The following SLC16A6 variants were observed in gnomAD, a reference collection of about 807,000 sequenced individuals.
SLC16A6 encodes monocarboxylate transporter 7.
In SLC16A6, 15 loss-of-function variants were observed where a neutral mutation model predicts 33.8. That is an observed-to-expected ratio of 0.44 (90% confidence interval 0.30 to 0.68). The LOEUF is 0.68. Among genes scored for constraint, SLC16A6 ranks in the 30% least tolerant of loss-of-function variants. The pLI is 0.10. For missense variants in SLC16A6, 451 were observed against 661.5 expected, an observed-to-expected ratio of 0.68 and a Z score of 3.49; for synonymous variants, 219 against 248.4, an observed-to-expected ratio of 0.88 and a Z score of 1.11.
chr17:68,274,092 A>G (rs1206133488), intron 2 of SLC16A6, 22 bp from the exon 3 acceptor site: 1 of 1,606,444 alleles, frequency 6.2e-7, no homozygotes, highest in Non-Finnish European at 8.5e-7. Context: ...GAACAAAACG[A>G]TATTTTAACT....
chr17:68,282,377 A>G (rs1340593306), intron 1 of SLC16A6, among the ~76,000 whole-genome samples: 5 of 152,218 alleles, frequency 3.3e-5, no homozygotes, highest in African/African-American at 1.2e-4. Context: ...GGGGAGGGAT[A>G]GCATTAGGAG....
At chr17:68,278,645 A>C (rs2075602063) in intron 1 of SLC16A6, among the ~76,000 whole-genome samples, 1 of 125,868 alleles carries the variant, frequency 7.9e-6, no homozygotes, top group African/African-American at 3.1e-5. Context: ...TTTGAGACAG[A>C]GTCTCACTCT....
At chr17:68,275,700 G>C (rs1374199199) in intron 2 of SLC16A6, among the ~76,000 whole-genome samples, 1 of 152,052 alleles carries the variant, frequency 6.6e-6, no homozygotes, top group Non-Finnish European at 1.5e-5. Context: ...AAGTTATCTT[G>C]GCTGGGTGCG....
chr17:68,270,722 C>T (rs576557835), intron 5 of SLC16A6, 117 bp downstream of exon 5: 4 of 907,536 alleles, frequency 4.4e-6, no homozygotes, highest in African/African-American at 3.4e-5. Flanking sequence ...CCTGGCAGCT[C>T]TAAAATTCAA....
intron 1 of SLC16A6, among the ~76,000 whole-genome samples, chr17:68,283,760 C>A (rs1555753602): frequency 6.6e-6 from 1 of 151,792 alleles, no homozygotes; most frequent in African/African-American, 2.4e-5. Context: ...CGCCTGTAAT[C>A]CCAGCTACAC....
At chr17:68,288,184 T>C (rs1412935696) in intron 1 of SLC16A6, among the ~76,000 whole-genome samples, 1 of 151,940 alleles carries the variant, frequency 6.6e-6, no homozygotes, top group Non-Finnish European at 1.5e-5. Context: ...GTATTTTTAG[T>C]AGAGACAGGG....
rs150311794 is a variant in SLC16A6 at position 68,287,953 on chromosome 17, TTCTC to T, written c.-8+3129_-8+3132del. On this transcript the variant is annotated intron_variant, in intron 1 of 5. Transcript: ENST00000580666. ...TTCTCTTCTTCTCTTCTCTCTCTCT[TTCTC>T]TCTCTCTCTCTCTCCCCCTCCCTCC... Among the ~76,000 whole-genome samples, 1,015 of 146,206 alleles carry T rather than the reference TTCTC, an allele frequency of 6.9e-3. 11 individuals carry two copies. Among genetic ancestry groups the T allele is most frequent in the African/African-American group, 0.022 (869 of 40,312 alleles).
At position 68,281,854 on chromosome 17, in the gene SLC16A6, A is replaced by C. The variant is rs180701287; in HGVS notation, c.-7-3527T>G. On this transcript the variant is annotated intron_variant, in intron 1 of 5. Coordinates refer to ENST00000580666, the MANE Select transcript of SLC16A6 (RefSeq NM_004694.5). ...ACGGCCAATAAGGAGAACAGTATGGAGCTTCCTCAAAAAACTACAAATATA... is the reference window on the plus strand; with the variant it reads ...ACGGCCAATAAGGAGAACAGTATGGCGCTTCCTCAAAAAACTACAAATATA... Among the ~76,000 whole-genome samples the C allele has an allele frequency of 1.5e-4, 23 of 152,266 alleles. No individual in the cohort carries two copies. The East Asian group carries it at 4.2e-3, about 28-fold the overall frequency.
chr17:68,271,593 T>C lies in SLC16A6; in HGVS notation c.567A>G (p.Leu189=), dbSNP rs61740584. The change falls in exon 5 of 6, where the codon CTA becomes CTG. Residue 189 remains leucine (L), a synonymous_variant. Transcript: ENST00000580666. This position sits in a 1 kb window ranked among gnomAD's most constrained non-coding sequence, Gnocchi z 5.3. The stretch of plus-strand genomic sequence containing the variant: ...CTCCGAAGATGACAATGTTTAACTG[T>C]AGTAGGCCCACGAAGAGGAGGCTGT... ...WRYSLLFVGL[L]QLNIVIFGAL... 4.7e-3 allele frequency: 7,556 copies of C among 1,614,118 alleles called. 309 individuals are homozygous for C. In the African/African-American group the frequency reaches 0.088, roughly 19 times the overall value.
chr17:68,275,397 A>G (rs2075481964), intron 2 of SLC16A6, among the ~76,000 whole-genome samples: 1 of 152,184 alleles, frequency 6.6e-6, no homozygotes, highest in African/African-American at 2.4e-5. Context: ...CTATTAGAAT[A>G]CAAAGTAATC....
intron 1 of SLC16A6, among the ~76,000 whole-genome samples, chr17:68,287,573 C>A (rs1237253979): frequency 6.6e-6 from 1 of 152,096 alleles, no homozygotes; most frequent in Non-Finnish European, 1.5e-5. Context: ...CTAGCTAGAG[C>A]CACATATAAC....
At position 68,272,620 on chromosome 17, in the gene SLC16A6, G is replaced by A. The variant is rs1555749324; in HGVS notation, c.505+19C>T. 6.2e-7 allele frequency: 1 copy of A among 1,612,416 alleles called. No homozygotes were observed. The highest frequency in any genetic ancestry group is 1.1e-5 in the South Asian group (1 of 91,014). ...GTCTCTCATCCACATTCATACTTAG[G>A]CTGTTGTAGTCCACCTACCTGGTGC... is the stretch of plus-strand genomic sequence containing the variant. On this transcript the variant is annotated intron_variant, in intron 4 of 5. Transcript: ENST00000580666.
chr17:68,287,339 T>A (rs1421520750), intron 1 of SLC16A6, among the ~76,000 whole-genome samples: 1 of 151,838 alleles, frequency 6.6e-6, no homozygotes, highest in African/African-American at 2.4e-5. Context: ...TTTTTTTTTT[T>A]AATAGAGACA....
chr17:68,269,787 C>CAG (rs1555747852), intron 5 of SLC16A6, among the ~76,000 whole-genome samples: 3 of 149,102 alleles, frequency 2.0e-5, no homozygotes, highest in African/African-American at 7.5e-5. Flanking sequence ...GATTCTCCTG[C>CAG]CTCAGCCTCC....
intron 1 of SLC16A6, among the ~76,000 whole-genome samples, chr17:68,286,845 A>G (rs2075853185): frequency 6.6e-6 from 1 of 152,202 alleles, no homozygotes; most frequent in Admixed American, 6.5e-5. Flanking sequence ...TGATGGCTTA[A>G]GCGAAGCCTG....
rs1289508311 is a variant in SLC16A6 at position 68,271,736 on chromosome 17, A to T, written c.506-82T>A. The T allele has an allele frequency of 7.7e-6, 8 of 1,035,438 alleles. No homozygotes were observed. The highest frequency in any genetic ancestry group is 9.9e-6 in the Non-Finnish European group (7 of 710,232). 64.1% of individuals were successfully genotyped at this position (1,035,438 alleles called of 1,614,324 possible). On this transcript the variant is annotated intron_variant, in intron 4 of 5. Transcript: ENST00000580666. The surrounding 1 kb of genome is among the most constrained non-coding windows in gnomAD (Gnocchi z 5.3). ...CCAGGAGAAGCCATCAAGAAGAAAT[A>T]TGGATCCAGATTTTGTTATAAGTTC...
rs2075383067 is a variant in SLC16A6 at position 68,272,782 on chromosome 17, T to C, written c.377-15A>G. On this transcript the variant is annotated splice_polypyrimidine_tract_variant and intron_variant, in intron 3 of 5. Transcript: ENST00000580666. ...GTATCCCAGACCTGTGAAAGAAAAG[T>C]CAAAAAAGCCAATGAGACCCACATA... 1 of 1,613,142 alleles carries C rather than the reference T, an allele frequency of 6.2e-7. No homozygotes were observed. Among genetic ancestry groups the C allele is most frequent in the African/African-American group, 1.3e-5 (1 of 74,858 alleles).
chr17:68,289,344 C>T (rs2075914201), intron 1 of SLC16A6, among the ~76,000 whole-genome samples: 1 of 152,144 alleles, frequency 6.6e-6, no homozygotes, highest in African/African-American at 2.4e-5. Context: ...ATCCGCTATC[C>T]TTGGGAGTTT....
chr17:68,280,125 T>C (rs1005928537), intron 1 of SLC16A6, among the ~76,000 whole-genome samples: 5 of 140,092 alleles, frequency 3.6e-5, no homozygotes, highest in Admixed American at 1.6e-4. Context: ...GAGGTTGCAG[T>C]GAGCTGAGAC....
Sources: gnomAD v4.1 joint callset for allele counts (sites outside exome capture counted in the v4.1 genomes callset) on GRCh38, gnomAD v4.1.1 for gene constraint, Gnocchi (gnomAD v3.1) non-coding constraint, MANE v1.5 for transcripts, NCBI Gene and HGNC (gene_info 2026-07-23, HGNC 2026-07-21) for gene names.